The following LIPC variants were observed in gnomAD, a reference collection of about 807,000 sequenced individuals.
The protein encoded by LIPC is hepatic triacylglycerol lipase.
A neutral mutation model predicts 50.7 loss-of-function variants in LIPC; 44 were observed. The observed-to-expected ratio is 0.87, with a 90% CI of 0.68 to 1.11. The LOEUF is 1.11. Ranked by LOEUF, LIPC falls within the 50% of genes most tolerant of loss-of-function variation. The pLI is 0.00. For missense variants in LIPC, 697 were observed against 648.2 expected (o/e 1.08, Z -0.82); for synonymous variants, 271 against 256.4 (o/e 1.06, Z -0.54).
rs145422589 is a variant in LIPC at position 58,464,903 on chromosome 15, G to A, written c.88+32783G>A. 1.3e-3 allele frequency among the ~76,000 whole-genome samples: 192 copies of A among 152,276 alleles called. 4 individuals carry two copies. The highest frequency in any genetic ancestry group is 4.3e-3 in the African/African-American group (178 of 41,546). On this transcript the variant is annotated intron_variant, in intron 1 of 8. Transcript: ENST00000299022. The stretch of plus-strand genomic sequence containing the variant: ...CAGAAAAATCGCTTGAACCTGGGAG[G>A]TGGAGGTTGCAGTGAGCCAAGACTG...
At chr15:58,477,063 C>G (rs1891023460) in intron 1 of LIPC, among the ~76,000 whole-genome samples, 1 of 152,218 alleles carries the variant, frequency 6.6e-6, no homozygotes, top group Admixed American at 6.5e-5. Context: ...GATCTTTCCC[C>G]TACAAACTCC....
At chr15:58,567,214 A>AAAAAAAT in intron 8 of LIPC, among the ~76,000 whole-genome samples, 1 of 136,740 alleles carries the variant, frequency 7.3e-6, no homozygotes, top group African/African-American at 2.7e-5. Flanking sequence ...AAAAATAAAA[A>AAAAAAAT]ATATATATAT....
chr15:58,517,158 T>C (rs555466447), intron 1 of LIPC, among the ~76,000 whole-genome samples: 9 of 152,366 alleles, frequency 5.9e-5, no homozygotes, highest in Non-Finnish European at 1.3e-4. Context: ...CCTTCAACAA[T>C]TGTGTTTGAG....
At chr15:58,535,116 T>C (rs2140899136) in intron 1 of LIPC, among the ~76,000 whole-genome samples, 1 of 152,358 alleles carries the variant, frequency 6.6e-6, no homozygotes, top group South Asian at 2.1e-4. Flanking sequence ...TAGACTTGAC[T>C]GATGCTTTAT....
intron 1 of LIPC, among the ~76,000 whole-genome samples, chr15:58,459,866 C>G (rs756710583): frequency 6.6e-6 from 1 of 152,246 alleles, no homozygotes; most frequent in South Asian, 2.1e-4. Flanking sequence ...CCTTCACAGG[C>G]GGGGCCCTGG....
chr15:58,480,453 CCTGA>C (rs1275130068), intron 1 of LIPC, among the ~76,000 whole-genome samples: 2 of 152,164 alleles, frequency 1.3e-5, no homozygotes, highest in African/African-American at 2.4e-5. Context: ...TGCCACCACA[CCTGA>C]CTAATTTTTG....
rs75649447 is a variant in LIPC, at chr15:58,556,952, G to A, written c.1052-3912G>A. On this transcript the variant is annotated intron_variant, in intron 6 of 8. Transcript: ENST00000299022. The stretch of plus-strand genomic sequence containing the variant: ...CTCAATGTCTGGGACATAGTGAAGC[G>A]CTAAATAGTAGTTATCATAATTGCT... Among the ~76,000 whole-genome samples the A allele has an allele frequency of 6.3e-3, 962 of 152,278 alleles. 12 individuals are homozygous for A. Among genetic ancestry groups the A allele is most frequent in the African/African-American group, 0.022 (922 of 41,552 alleles).
Position 58,548,500 on chromosome 15 carries a change from C to T in LIPC, c.979C>T (p.His327Tyr), listed in dbSNP as rs376388170. The change falls in exon 6 of 9, where the codon CAC (histidine) becomes TAC (tyrosine). Residue 327 changes from histidine (H) to tyrosine (Y), a missense_variant. Coordinates refer to ENST00000299022, the MANE Select transcript of LIPC (RefSeq NM_000236.3). ...GGGCCGCTGCAACACGCTGGGCTAC[C>T]ACGTCCGCCAGGAGCCGCGGAGCAA... is the stretch of plus-strand genomic sequence containing the variant. ...KKGRCNTLGY[H>Y]VRQEPRSKSK... 3.9e-5 allele frequency: 62 copies of T among 1,607,182 alleles called. No individual in the cohort carries two copies. The highest frequency in any genetic ancestry group is 5.0e-5 in the Non-Finnish European group (59 of 1,176,616).
intron 5 of LIPC, 59 bp from the exon 6 acceptor site, chr15:58,548,271 C>G (rs1432198349): frequency 6.2e-7 from 1 of 1,612,814 alleles, no homozygotes; most frequent in African/African-American, 1.3e-5. Context: ...AGGTGATCCT[C>G]TGAGTTGAGG....
intron 2 of LIPC, among the ~76,000 whole-genome samples, chr15:58,539,663 G>A (rs1030886967): frequency 1.2e-4 from 18 of 151,992 alleles, no homozygotes; most frequent in African/African-American, 3.9e-4. Flanking sequence ...ATCCTGGAGA[G>A]GAAAATGAAC....
intron 1 of LIPC, among the ~76,000 whole-genome samples, chr15:58,506,136 G>C (rs1892141554): frequency 6.6e-6 from 1 of 152,156 alleles, no homozygotes; most frequent in Admixed American, 6.5e-5. Context: ...TCCTGTTCTT[G>C]TCTCAAACAC....
At chr15:58,434,075 T>G (rs1416097081) in intron 1 of LIPC, among the ~76,000 whole-genome samples, 2 of 151,912 alleles carry the variant, frequency 1.3e-5, no homozygotes, top group African/African-American at 4.8e-5. Context: ...ACATTTTTGG[T>G]TTTTGGTTGT....
At chr15:58,567,347 ATATATATATATGTATATG>A (rs1291188868) in intron 8 of LIPC, among the ~76,000 whole-genome samples, 10,531 of 45,384 alleles carry the variant, frequency 0.23, 614 homozygotes, top group African/African-American at 0.3. Flanking sequence ...ATGTATATGT[ATATATATATATGTATATG>A]TATATATATA....
chr15:58,440,647 A>G (rs1893473344), intron 1 of LIPC, among the ~76,000 whole-genome samples: 1 of 152,166 alleles, frequency 6.6e-6, no homozygotes, highest in Admixed American at 6.5e-5. Flanking sequence ...AGATTGGGAG[A>G]GGCGCATAAT....
At chr15:58,504,071 A>G (rs1024734789) in intron 1 of LIPC, among the ~76,000 whole-genome samples, 4 of 152,222 alleles carry the variant, frequency 2.6e-5, no homozygotes, top group Admixed American at 6.5e-5. Flanking sequence ...AGCCCTGTAT[A>G]CCACAGAAAT....
At chr15:58,519,420 A>AAG (rs1555403511) in intron 1 of LIPC, among the ~76,000 whole-genome samples, 3 of 150,890 alleles carry the variant, frequency 2.0e-5, no homozygotes, top group African/African-American at 7.4e-5. Flanking sequence ...CAAAAAAAAA[A>AAG]AAAAGAAAAA....
At chr15:58,457,146 G>C (rs368529046) in intron 1 of LIPC, among the ~76,000 whole-genome samples, 2 of 152,180 alleles carry the variant, frequency 1.3e-5, no homozygotes, top group East Asian at 1.9e-4. Context: ...TTTCACTCTT[G>C]TTGCCCAGAA....
At position 58,541,808 on chromosome 15, in the gene LIPC, G is replaced by A. The variant is rs761212874; in HGVS notation, c.297G>A (p.Trp99Ter). The change falls in exon 3 of 9, where the codon TGG (tryptophan) becomes TGA (stop). Residue 99 changes from tryptophan (W) to a stop codon, truncating the protein, a stop_gained. Transcript: ENST00000299022. LOFTEE classifies it high-confidence loss of function. ...AGGTGGACGGCGTGCTAGAAAACTGGATCTGGCAGATGGTGGCCGCGCTGA... is the reference window on the plus strand; with the variant it reads ...AGGTGGACGGCGTGCTAGAAAACTGAATCTGGCAGATGGTGGCCGCGCTGA... Reference protein sequence around the residue: ...GWSVDGVLENWIWQMVAALKS... With the variant: ...GWSVDGVLEN 12 of 1,613,668 alleles carry A rather than the reference G, an allele frequency of 7.4e-6. No homozygotes were observed. Among genetic ancestry groups the A allele is most frequent in the Non-Finnish European group, 8.5e-6 (10 of 1,179,978 alleles).
intron 1 of LIPC, among the ~76,000 whole-genome samples, chr15:58,443,824 G>A (rs890766261): frequency 1.1e-4 from 16 of 152,222 alleles, no homozygotes; most frequent in African/African-American, 3.4e-4. Flanking sequence ...TGGGATAGGC[G>A]GTGGAGTTTG....
Sources: gnomAD v4.1 joint callset for allele counts (sites outside exome capture counted in the v4.1 genomes callset) on GRCh38, gnomAD v4.1.1 for gene constraint, MANE v1.5 for transcripts, NCBI Gene and HGNC (gene_info 2026-07-23, HGNC 2026-07-21) for gene names.